The following LRRC37A2 variants were observed in gnomAD, a reference collection of about 807,000 sequenced individuals.
LRRC37A2 encodes the protein leucine-rich repeat-containing protein 37A2.
LRRC37A2 carries 9 observed loss-of-function variants against 68.8 expected under a neutral mutation model. The ratio of observed to expected loss-of-function variants is 0.13; its 90% confidence interval spans 0.08 to 0.23. LRRC37A2 has a LOEUF of 0.23. LRRC37A2 is among the 10% of genes least tolerant of loss of function. The probability of loss-of-function intolerance (pLI) is 1.00; values close to 1 mark genes in which losing one functional copy is unlikely to be tolerated. For synonymous variants in LRRC37A2, 63 were observed against 367.6 expected, an observed-to-expected ratio of 0.17 and a Z score of 9.48; for missense variants, 168 against 950.4, an observed-to-expected ratio of 0.18 and a Z score of 10.82.
chr17:47,037,491 T>A, the LRRC37A2 span, among the ~76,000 whole-genome samples: 2 of 152,338 alleles, frequency 1.3e-5, no homozygotes, highest in Middle Eastern at 3.4e-3. Flanking sequence ...TATTATCTGC[T>A]TCATGTTTAC....
the LRRC37A2 span, among the ~76,000 whole-genome samples, chr17:46,870,898 C>T: frequency 4.1e-5 from 6 of 145,874 alleles, no homozygotes; most frequent in African/African-American, 1.5e-4. Flanking sequence ...CCTGCTTCCA[C>T]CTTTGCTTTT....
the LRRC37A2 span, among the ~76,000 whole-genome samples, chr17:46,384,107 A>AT: frequency 1.3e-5 from 1 of 79,340 alleles, no homozygotes; most frequent in African/African-American, 3.6e-5. Context: ...TGTCGACTCT[A>AT]TTCCGTTTCA....
At chr17:46,795,440 C>T in the LRRC37A2 span, among the ~76,000 whole-genome samples, 25 of 152,238 alleles carry the variant, frequency 1.6e-4, no homozygotes, top group African/African-American at 5.5e-4. Context: ...GAAGACCAGC[C>T]GGCCCGTGGG....
At chr17:47,027,746 A>G in the LRRC37A2 span, 26 of 564,356 alleles carry the variant, frequency 4.6e-5, no homozygotes, top group Middle Eastern at 5.0e-4. Flanking sequence ...CTAAAATTAT[A>G]CAGCAAATCC....
At chr17:46,935,315 C>A in the LRRC37A2 span, 1 of 1,526,352 alleles carries the variant, frequency 6.6e-7, no homozygotes, top group South Asian at 1.3e-5. Flanking sequence ...GGGATCCTTT[C>A]TGTTGGAGTT....
the LRRC37A2 span, among the ~76,000 whole-genome samples, chr17:46,982,472 A>G: frequency 2.0e-5 from 3 of 152,230 alleles, no homozygotes; most frequent in Non-Finnish European, 4.4e-5. Flanking sequence ...TGCCCAGTGC[A>G]TTAAATACAT....
chr17:46,748,481 G>GT, the LRRC37A2 span, among the ~76,000 whole-genome samples: 18 of 152,246 alleles, frequency 1.2e-4, no homozygotes, highest in African/African-American at 4.3e-4. Flanking sequence ...TAGAATAAAG[G>GT]TATTTCCAGA....
chr17:46,915,770 G>C, the LRRC37A2 span, among the ~76,000 whole-genome samples: 1 of 152,228 alleles, frequency 6.6e-6, no homozygotes, highest in South Asian at 2.1e-4. Context: ...GCGGTTCAGG[G>C]CTCATGCCTA....
the LRRC37A2 span, among the ~76,000 whole-genome samples, chr17:46,953,059 T>G: frequency 6.6e-6 from 1 of 152,128 alleles, no homozygotes; most frequent in Non-Finnish European, 1.5e-5. Context: ...TATTTTATTA[T>G]TATTTTACGT....
At chr17:47,038,321 A>G in the LRRC37A2 span, among the ~76,000 whole-genome samples, 1 of 151,904 alleles carries the variant, frequency 6.6e-6, no homozygotes, top group African/African-American at 2.4e-5. Flanking sequence ...CAGTAAAAAA[A>G]CAAAATGTTT....
At chr17:46,816,735 G>T in the LRRC37A2 span, among the ~76,000 whole-genome samples, 524 of 152,234 alleles carry the variant, frequency 3.4e-3, 4 homozygotes, top group African/African-American at 0.012. Flanking sequence ...TCATAGGGCC[G>T]GAGAGACTGG....
At chr17:46,492,679 GTTTTGTTTT>G in the LRRC37A2 span, among the ~76,000 whole-genome samples, 1 of 139,446 alleles carries the variant, frequency 7.2e-6, no homozygotes, top group South Asian at 2.1e-4. Context: ...TATTTTCAGG[GTTTTGTTTT>G]GTTTTTTTTT....
chr17:46,534,240 C>T (rs1226955757), intron 6 of LRRC37A2, among the ~76,000 whole-genome samples: 6 of 145,808 alleles, frequency 4.1e-5, no homozygotes, highest in Non-Finnish European at 8.9e-5. Context: ...GGGTGTTTCT[C>T]GCAGAGGGGG....
At chr17:46,886,280 A>G in the LRRC37A2 span, 1 of 152,270 alleles carries the variant, frequency 6.6e-6, no homozygotes, top group Non-Finnish European at 1.5e-5. Flanking sequence ...TACTGCAGGC[A>G]TAAACCTATA....
chr17:46,945,777 G>A, the LRRC37A2 span, among the ~76,000 whole-genome samples: 402 of 152,270 alleles, frequency 2.6e-3, no homozygotes, highest in Non-Finnish European at 4.4e-3. Context: ...AGGGAGTGGG[G>A]ACCTCTATAG....
the LRRC37A2 span, among the ~76,000 whole-genome samples, chr17:46,777,976 C>G: frequency 6.6e-6 from 1 of 152,222 alleles, no homozygotes; most frequent in African/African-American, 2.4e-5. Context: ...TCTACCACTT[C>G]CTAGCTGCTG....
chr17:47,001,343 C>A, the LRRC37A2 span, among the ~76,000 whole-genome samples: 8 of 152,250 alleles, frequency 5.3e-5, no homozygotes, highest in South Asian at 1.5e-3. Flanking sequence ...GCACAGCACG[C>A]CGGCCTGAAA....
At chr17:46,772,859 C>A in the LRRC37A2 span, among the ~76,000 whole-genome samples, 1 of 148,006 alleles carries the variant, frequency 6.8e-6, no homozygotes, top group African/African-American at 2.5e-5. Context: ...TCCCTAGCTT[C>A]TAATAGGAGG....
At chr17:46,528,220 A>G (rs1386470611) in intron 6 of LRRC37A2, among the ~76,000 whole-genome samples, 1 of 111,576 alleles carries the variant, frequency 9.0e-6, no homozygotes, top group Non-Finnish European at 1.8e-5. Flanking sequence ...GGCACTAGAC[A>G]CGTGCTCTTT....
Sources: allele counts gnomAD v4.1 joint callset (sites outside exome capture counted in the v4.1 genomes callset), GRCh38; gene constraint gnomAD v4.1.1; transcripts MANE v1.5; gene names NCBI Gene and HGNC (gene_info 2026-07-23, HGNC 2026-07-21).